The following GOLGA3 variants were observed in gnomAD, a reference collection of about 807,000 sequenced individuals.
GOLGA3 encodes the protein golgin subfamily A member 3.
GOLGA3 carries 75 observed loss-of-function variants against 169.4 expected under a neutral mutation model. The ratio of observed to expected loss-of-function variants is 0.44; its 90% CI spans 0.37 to 0.54. The LOEUF (loss-of-function observed/expected upper bound fraction) is 0.54, where lower values mean the gene tolerates loss of function less well. Among genes scored for constraint, GOLGA3 ranks in the 20% least tolerant of loss-of-function variants. GOLGA3 has a pLI of 0.00. For missense variants in GOLGA3, 1,899 were observed against 1,930.0 expected (o/e 0.98, Z 0.30); for synonymous variants, 824 against 822.4 (o/e 1.00, Z -0.03).
chr12:132,798,156 C>T (rs1198493371), intron 9 of GOLGA3, among the ~76,000 whole-genome samples, 184 bp downstream of exon 9: 2 of 100,664 alleles, frequency 2.0e-5, no homozygotes, highest in African/African-American at 8.0e-5. Flanking sequence ...CATGCTAAGC[C>T]CCCACAGGTG....
intron 13 of GOLGA3, among the ~76,000 whole-genome samples, chr12:132,787,968 G>A (rs191165993): frequency 0.012 from 1,881 of 151,240 alleles, 26 homozygotes; most frequent in Non-Finnish European, 0.021. Context: ...TGAGGGCCGC[G>A]TCCCCGACCT....
chr12:132,809,092 T>C (rs531213730), intron 4 of GOLGA3, among the ~76,000 whole-genome samples: 2 of 152,306 alleles, frequency 1.3e-5, no homozygotes, highest in Admixed American at 1.3e-4. Context: ...TAAGGTCACG[T>C]GGGTCACGTG....
rs2136537343 is a variant in GOLGA3, at chr12:132,802,376, AGGGGGCATGG to A, written c.1598-417_1598-408del. Among the ~76,000 whole-genome samples the A allele has an allele frequency of 4.9e-4, 11 of 22,280 alleles. No homozygotes were observed. In the South Asian group the frequency reaches 8.7e-3, roughly 18 times the overall value. 14.6% of individuals were successfully genotyped at this position (22,280 alleles called of 152,430 possible). On this transcript the variant is annotated intron_variant, in intron 7 of 23. Coordinates refer to ENST00000450791, the MANE Select transcript of GOLGA3 (RefSeq NM_001389683.1). ...TAACAGTGGCCGGACACGGGGGTGC[AGGGGGCATGG>A]GGGGTGCAGGGGGCACAGGGGTGCA...
Position 132,808,477 on chromosome 12 carries a change from A to G in GOLGA3, c.592T>C (p.Leu198=). The change falls in exon 5 of 24, where the codon TTA becomes CTA. Residue 198 remains leucine, a synonymous_variant. Transcript: ENST00000450791. ...DPELMLNPEN[L]PRASTLAMTK... ...ATAGCCAGGGTACTGGCCCTTGGTA[A>G]GTTTTCTGGGTTTAACATGAGCTCA... is the stretch of plus-strand genomic sequence containing the variant. The G allele has an allele frequency of 6.2e-7, 1 of 1,614,046 alleles. No individual in the cohort carries two copies. Among genetic ancestry groups the G allele is most frequent in the Non-Finnish European group, 8.5e-7 (1 of 1,179,948 alleles).
In GOLGA3 at chr12:132,796,033, G is replaced by C; in HGVS notation, c.2288C>G (p.Ser763Cys). Residue 763 changes from serine (S) to cysteine (C), a missense_variant, in exon 11 of 24, where the codon TCC becomes TGC. Coordinates refer to ENST00000450791, the MANE Select transcript of GOLGA3 (RefSeq NM_001389683.1). ...RLGELQGEAASREDTICLLQN... is the reference protein window; with the variant it reads ...RLGELQGEAACREDTICLLQN... ...CAGGAGGCAGATCGTGTCCTCCCTGGAGGCGGCCTCGCCCTGCAGCTCCCC... is the reference window on the plus strand; with the variant it reads ...CAGGAGGCAGATCGTGTCCTCCCTGCAGGCGGCCTCGCCCTGCAGCTCCCC... The C allele has an allele frequency of 1.2e-6, 2 of 1,612,742 alleles. No homozygotes were observed. Among genetic ancestry groups the C allele is most frequent in the Non-Finnish European group, 1.7e-6 (2 of 1,179,998 alleles).
At position 132,777,075 on chromosome 12, in the gene GOLGA3, T is replaced by C. The variant is rs1439444958; in HGVS notation, c.3738A>G (p.Lys1246=). ...EADDLQIREG[K]HSQEIAQFQA... is the part of the protein sequence containing the mutation. ...GGAACTGTGCTATCTCCTGGGAATG[T>C]TTCCCCTCCCGAATCCTAGCGTAAA... is the stretch of plus-strand genomic sequence containing the variant. The change falls in exon 20 of 24, where the codon AAA becomes AAG. Residue 1246 remains lysine, a synonymous_variant. Coordinates refer to ENST00000450791, the MANE Select transcript of GOLGA3 (RefSeq NM_001389683.1). This position sits in a 1 kb window ranked among gnomAD's most constrained non-coding sequence, Gnocchi z 4.7. The C allele has an allele frequency of 1.9e-6, 3 of 1,596,414 alleles. No individual in the cohort carries two copies. The highest frequency in any genetic ancestry group is 2.3e-5 in the South Asian group (2 of 88,570).
chr12:132,775,832 A>G (rs1182726772), intron 21 of GOLGA3, among the ~76,000 whole-genome samples: 2 of 152,268 alleles, frequency 1.3e-5, no homozygotes, highest in African/African-American at 2.4e-5. Context: ...TTTCCCGAGC[A>G]GTCAAGACCG....
chr12:132,798,267 G>C lies in GOLGA3; in HGVS notation c.1938+73C>G, dbSNP rs1046332658. On this transcript the variant is annotated intron_variant, in intron 9 of 23. Coordinates refer to ENST00000450791, the MANE Select transcript of GOLGA3 (RefSeq NM_001389683.1). ...AGATACACACAGAGAGACGGAACATGTAAGAAAACACACATGGTATCGATG... is the reference window on the plus strand; with the variant it reads ...AGATACACACAGAGAGACGGAACATCTAAGAAAACACACATGGTATCGATG... 2.9e-6 allele frequency: 4 copies of C among 1,391,684 alleles called. No homozygotes were observed. In the East Asian group the frequency reaches 7.2e-5, roughly 25 times the overall value. 86.2% of individuals were successfully genotyped at this position (1,391,684 alleles called of 1,614,324 possible).
chr12:132,803,474 C>T (rs1949232753), intron 7 of GOLGA3, among the ~76,000 whole-genome samples: 1 of 152,148 alleles, frequency 6.6e-6, no homozygotes, highest in Admixed American at 6.5e-5. Flanking sequence ...GACTGGGCGG[C>T]CTCATCAAAG....
At chr12:132,787,973 C>T (rs1446133326) in intron 13 of GOLGA3, among the ~76,000 whole-genome samples, 1 of 152,086 alleles carries the variant, frequency 6.6e-6, no homozygotes. Flanking sequence ...GCCGCGTCCC[C>T]GACCTGCTCC....
chr12:132,801,586 G>C (rs1007404638), intron 8 of GOLGA3, among the ~76,000 whole-genome samples, 181 bp downstream of exon 8: 4 of 152,190 alleles, frequency 2.6e-5, no homozygotes, highest in Non-Finnish European at 4.4e-5. Context: ...GTTGGGGGGG[G>C]GCCCACGGGA....
intron 6 of GOLGA3, among the ~76,000 whole-genome samples, chr12:132,806,721 C>T (rs755287117): frequency 9.2e-5 from 14 of 152,150 alleles, no homozygotes; most frequent in African/African-American, 1.4e-4. Flanking sequence ...AAAGTGCATA[C>T]GACAAAATGA....
chr12:132,814,754 C>T (rs529988195), intron 3 of GOLGA3, among the ~76,000 whole-genome samples: 2 of 152,344 alleles, frequency 1.3e-5, no homozygotes, highest in South Asian at 4.1e-4. Flanking sequence ...GACTCCAATC[C>T]GAGGTCATGC....
Position 132,805,979 on chromosome 12 carries a change from A to G in GOLGA3, c.1291-957T>C, listed in dbSNP as rs984770720. 4.6e-5 allele frequency among the ~76,000 whole-genome samples: 7 copies of G among 152,318 alleles called. No homozygotes were observed. The East Asian group carries it at 1.2e-3, about 25-fold the overall frequency. On this transcript the variant is annotated intron_variant, in intron 6 of 23. Transcript: ENST00000450791. ...GCGGCTCCAGCCAGAGCCACGGGAC[A>G]CAGCACAGTCCTGAGTGGCCACCGC...
intron 4 of GOLGA3, among the ~76,000 whole-genome samples, chr12:132,812,192 T>TACACAC (rs140337948): frequency 0.17 from 22,276 of 134,732 alleles, 2,530 homozygotes; most frequent in East Asian, 0.45. Flanking sequence ...TGTCTCAAAA[T>TACACAC]ACACACACAC....
chr12:132,773,117 C>T lies in GOLGA3; in HGVS notation c.4485G>A (p.Gly1495=). The T allele has an allele frequency of 6.3e-7, 1 of 1,581,606 alleles. No homozygotes were observed. Among genetic ancestry groups the T allele is most frequent in the Admixed American group, 1.8e-5 (1 of 55,996 alleles). Residue 1495 remains glycine, a synonymous_variant, in exon 24 of 24, where the codon GGG becomes GGA. Transcript: ENST00000450791. ...GAGTCCACAGCAGTCACTCTCCCGG[C>T]CCTTCTTTGGAAGCCCTGCTCTGAC... ...RHSQSRASKE[G]PGE is the part of the protein sequence containing the mutation.
rs528703938 is a variant in GOLGA3 at position 132,790,774 on chromosome 12, G to A, written c.2547+442C>T. 1.2e-4 allele frequency among the ~76,000 whole-genome samples: 19 copies of A among 152,110 alleles called. No homozygotes were observed. In the South Asian group the frequency reaches 3.3e-3, roughly 27 times the overall value. On this transcript the variant is annotated intron_variant, in intron 12 of 23. Coordinates refer to ENST00000450791, the MANE Select transcript of GOLGA3 (RefSeq NM_001389683.1). ...TAAAAAAAGTTAAAGAGGGCCGGGC[G>A]CGGTGACTCATACCTGTAATCCCAG...
chr12:132,773,869 TGA>T, intron 23 of GOLGA3, among the ~76,000 whole-genome samples: 1 of 110,800 alleles, frequency 9.0e-6, no homozygotes, highest in African/African-American at 3.6e-5. Context: ...GCAGAGGCTG[TGA>T]GTCCCTCCCC....
At chr12:132,803,336 C>T (rs1412430263) in intron 7 of GOLGA3, among the ~76,000 whole-genome samples, 2 of 152,212 alleles carry the variant, frequency 1.3e-5, no homozygotes, top group Non-Finnish European at 2.9e-5. Flanking sequence ...GGCAAATTCA[C>T]ACTTAGGAAA....
Sources: allele counts gnomAD v4.1 joint callset (sites outside exome capture counted in the v4.1 genomes callset), GRCh38; gene constraint gnomAD v4.1.1; non-coding constraint Gnocchi (gnomAD v3.1); transcripts MANE v1.5; gene names NCBI Gene and HGNC (gene_info 2026-07-23, HGNC 2026-07-21).